The following TMEM39A variants were observed in gnomAD, a reference collection of about 807,000 sequenced individuals.
TMEM39A encodes the protein suppressor of SQST-1 aggregates in rpl-43 mutants.
A neutral mutation model predicts 51.9 loss-of-function variants in TMEM39A; 19 were observed. That is an observed-to-expected ratio of 0.37 (90% CI 0.26 to 0.54). The LOEUF (loss-of-function observed/expected upper bound fraction) is 0.54, where lower values mean the gene tolerates loss of function less well. Ranked by LOEUF, TMEM39A falls within the 20% of genes least tolerant of loss-of-function variation. The pLI, the probability that TMEM39A is intolerant of heterozygous loss-of-function variation, is 0.88. For missense variants in TMEM39A, 433 were observed against 590.5 expected (o/e 0.73, Z 2.76); for synonymous variants, 197 against 220.2 (o/e 0.89, Z 0.93).
chr3:119,436,628 A>C (rs1401481773), intron 7 of TMEM39A, 163 bp downstream of exon 7: 5 of 715,920 alleles, frequency 7.0e-6, no homozygotes, highest in Non-Finnish European at 1.2e-5. Flanking sequence ...GAAATGAGTT[A>C]ATGTCCCTTG....
rs750123768 is a variant in TMEM39A, at chr3:119,437,990, G to A, written c.689C>T (p.Thr230Ile). Residue 230 changes from threonine (T) to isoleucine (I), a missense_variant, in exon 6 of 9, where the codon ACT becomes ATT. Coordinates refer to ENST00000319172, the MANE Select transcript of TMEM39A (RefSeq NM_018266.3). ...TTTGGATTTGGCCAAGCCTCCCACA[G>A]TCGAGGCACTTTCCTCTACTGCCTC... ...QHEAVEESAS[T>I]VGGLAKSKDF... 6.8e-6 allele frequency: 11 copies of A among 1,614,160 alleles called. No homozygotes were observed. Among genetic ancestry groups the A allele is most frequent in the South Asian group, 4.4e-5 (4 of 91,080 alleles).
chr3:119,447,462 C>T (rs2081143185), intron 4 of TMEM39A, among the ~76,000 whole-genome samples: 2 of 152,008 alleles, frequency 1.3e-5, no homozygotes, highest in South Asian at 4.1e-4. Flanking sequence ...AAAGTATGTT[C>T]CACGGATCAC....
At chr3:119,459,979 C>T (rs1379985037) in intron 2 of TMEM39A, among the ~76,000 whole-genome samples, 3 of 151,958 alleles carry the variant, frequency 2.0e-5, no homozygotes, top group East Asian at 1.9e-4. Context: ...TTTCATACCT[C>T]GTCCCCAGGT....
At chr3:119,440,594 C>A (rs1179185779) in intron 5 of TMEM39A, among the ~76,000 whole-genome samples, 1 of 152,030 alleles carries the variant, frequency 6.6e-6, no homozygotes, top group Non-Finnish European at 1.5e-5. Flanking sequence ...TATTTGAGAA[C>A]TGAGGGGTAA....
intron 5 of TMEM39A, among the ~76,000 whole-genome samples, chr3:119,442,021 C>T (rs561462608): frequency 1.6e-4 from 25 of 152,282 alleles, no homozygotes; most frequent in Admixed American, 1.3e-3. Flanking sequence ...GTTGAACCTA[C>T]GGTTTAGAAA....
intron 5 of TMEM39A, among the ~76,000 whole-genome samples, chr3:119,438,653 A>G (rs986748499): frequency 6.6e-6 from 1 of 152,226 alleles, no homozygotes; most frequent in Non-Finnish European, 1.5e-5. Flanking sequence ...TGTTGGAAAC[A>G]GGCTGTTTCT....
chr3:119,449,925 G>A (rs538912769), intron 4 of TMEM39A, among the ~76,000 whole-genome samples: 5 of 152,120 alleles, frequency 3.3e-5, no homozygotes, highest in African/African-American at 9.6e-5. Context: ...TAGCATTTCC[G>A]TTTATGAATT....
At chr3:119,446,940 A>C in intron 5 of TMEM39A, 78 bp downstream of exon 5, 3 of 1,429,584 alleles carry the variant, frequency 2.1e-6, no homozygotes, top group Non-Finnish European at 9.5e-7. Flanking sequence ...TTCATTTTTC[A>C]CTCTTAAAAG....
chr3:119,442,249 A>T (rs1159847657), intron 5 of TMEM39A, among the ~76,000 whole-genome samples: 1 of 151,860 alleles, frequency 6.6e-6, no homozygotes, highest in South Asian at 2.1e-4. Flanking sequence ...AGGCTGAGGC[A>T]GGACAATCAC....
intron 7 of TMEM39A, chr3:119,435,325 G>A (rs1183317215): frequency 1.0e-6 from 1 of 985,192 alleles, no homozygotes; most frequent in African/African-American, 1.7e-5. Flanking sequence ...GACATTTACT[G>A]CAGAATTACA....
intron 4 of TMEM39A, among the ~76,000 whole-genome samples, chr3:119,447,723 C>G (rs1307564653): frequency 1.3e-5 from 2 of 152,050 alleles, no homozygotes; most frequent in African/African-American, 2.4e-5. Flanking sequence ...CTCCTGGGTT[C>G]AAGCGGTTCT....
chr3:119,447,856 C>T (rs563477113), intron 4 of TMEM39A, among the ~76,000 whole-genome samples: 1 of 152,148 alleles, frequency 6.6e-6, no homozygotes, highest in East Asian at 1.9e-4. Flanking sequence ...CTCCTGACCT[C>T]GTGATCCACC....
chr3:119,432,655 T>C (rs1359324739), intron 8 of TMEM39A, among the ~76,000 whole-genome samples: 3 of 152,114 alleles, frequency 2.0e-5, no homozygotes, highest in African/African-American at 7.2e-5. Flanking sequence ...CATTTAAAAA[T>C]GTAAAAAACA....
rs2081366449 is a variant in TMEM39A, at chr3:119,463,426, G to C, written c.-165C>G. The C allele has an allele frequency of 2.5e-6, 1 of 395,238 alleles. No homozygotes were observed. Among genetic ancestry groups the C allele is most frequent in the Non-Finnish European group, 4.5e-6 (1 of 224,472 alleles). 24.5% of individuals were successfully genotyped at this position (395,238 alleles called of 1,614,324 possible). Reference sequence around the variant, plus strand: ...CCCCAGGTAAGGGAACTCCCTCCCAGCGTTGGAACGCTGCAAACCAGCTGC... The same window carrying C: ...CCCCAGGTAAGGGAACTCCCTCCCACCGTTGGAACGCTGCAAACCAGCTGC... On this transcript the variant is annotated 5_prime_UTR_variant, in exon 1 of 9. Transcript: ENST00000319172.
intron 5 of TMEM39A, among the ~76,000 whole-genome samples, chr3:119,446,187 G>A (rs1184741994): frequency 2.6e-5 from 4 of 152,092 alleles, no homozygotes; most frequent in East Asian, 1.9e-4. Flanking sequence ...ATGATTTTTC[G>A]TCTTTCCTTA....
intron 4 of TMEM39A, among the ~76,000 whole-genome samples, chr3:119,448,238 T>G (rs34208844): frequency 0.15 from 23,321 of 152,208 alleles, 2,129 homozygotes; most frequent in South Asian, 0.22. Flanking sequence ...ACTAAATATA[T>G]TAAGTACTTG....
intron 5 of TMEM39A, among the ~76,000 whole-genome samples, chr3:119,439,949 G>A (rs1221099629): frequency 6.6e-6 from 1 of 152,032 alleles, no homozygotes; most frequent in African/African-American, 2.4e-5. Flanking sequence ...TTTATTTTTG[G>A]TAGAAACAGG....
At position 119,434,867 on chromosome 3, in the gene TMEM39A, T is replaced by A; in HGVS notation, c.1128A>T (p.Thr376=). The change falls in exon 8 of 9, where the codon ACA becomes ACT. Residue 376 remains threonine, a synonymous_variant. Coordinates refer to ENST00000319172, the MANE Select transcript of TMEM39A (RefSeq NM_018266.3). ...GCACCAGCACCCCTTGAGGCCATAT[T>A]GTATTTTCTGACCAACTAAGGGAGA... ...NAPQHIWSEN[T]IWPQGVLVRH... 6.2e-7 allele frequency: 1 copy of A among 1,613,578 alleles called. No individual in the cohort carries two copies. The highest frequency in any genetic ancestry group is 8.5e-7 in the Non-Finnish European group (1 of 1,179,586).
At chr3:119,457,364 C>T (rs1288795803) in intron 3 of TMEM39A, among the ~76,000 whole-genome samples, 2 of 152,222 alleles carry the variant, frequency 1.3e-5, no homozygotes, top group Admixed American at 1.3e-4. Flanking sequence ...CTCAATTTCA[C>T]TTCCCAATTT....
Sources: allele counts gnomAD v4.1 joint callset (sites outside exome capture counted in the v4.1 genomes callset), GRCh38; gene constraint gnomAD v4.1.1; transcripts MANE v1.5; gene names NCBI Gene and HGNC (gene_info 2026-07-23, HGNC 2026-07-21).